NFIA: variants seen among roughly 807,000 people sequenced by gnomAD.
The protein encoded by NFIA is nuclear factor 1 A-type.
In NFIA, 8 loss-of-function variants were observed where a neutral mutation model predicts 62.8. The observed-to-expected ratio is 0.13, with a 90% CI of 0.07 to 0.23. The LOEUF is 0.23. Ranked by LOEUF, NFIA falls within the 10% of genes least tolerant of loss-of-function variation. The pLI, the probability that NFIA is intolerant of heterozygous loss-of-function variation, is 1.00. For synonymous variants in NFIA, 235 were observed against 238.1 expected (o/e 0.99, Z 0.12); for missense variants, 410 against 642.1 (o/e 0.64, Z 3.91).
At chr1:61,405,690 G>T (rs1000258246) in intron 8 of NFIA, among the ~76,000 whole-genome samples, 5 of 152,104 alleles carry the variant, frequency 3.3e-5, no homozygotes, top group Non-Finnish European at 5.9e-5. Context: ...CTATATAACT[G>T]TCAAATGCCC....
At chr1:61,086,786 T>C (rs1436837827) in intron 1 of NFIA, among the ~76,000 whole-genome samples, 2 of 152,200 alleles carry the variant, frequency 1.3e-5, no homozygotes, top group Non-Finnish European at 2.9e-5. Context: ...AGTAATTGTG[T>C]TAATAATAAT....
intron 10 of NFIA, among the ~76,000 whole-genome samples, chr1:61,453,377 T>G (rs1433691878): frequency 6.6e-6 from 1 of 151,144 alleles, no homozygotes; most frequent in Non-Finnish European, 1.5e-5. Context: ...AGTGAAGGAT[T>G]ACAGAGCTGC....
intron 2 of NFIA, among the ~76,000 whole-genome samples, chr1:61,131,868 T>TA (rs1336359883): frequency 6.6e-6 from 1 of 152,178 alleles, no homozygotes; most frequent in Non-Finnish European, 1.5e-5. Context: ...AAAGCTCTGT[T>TA]ACTGTTAAAA....
At chr1:61,362,195 C>T (rs79336072) in intron 6 of NFIA, among the ~76,000 whole-genome samples, 4,564 of 152,130 alleles carry the variant, frequency 0.03, 247 homozygotes, top group African/African-American at 0.1. Flanking sequence ...TTATGTTGTT[C>T]CCACACTTAT....
chr1:61,123,570 A>G (rs1646921882), intron 2 of NFIA, among the ~76,000 whole-genome samples: 1 of 152,202 alleles, frequency 6.6e-6, no homozygotes, highest in African/African-American at 2.4e-5. Flanking sequence ...GAGGGTAATG[A>G]TGCCTTAGAA....
In NFIA at chr1:61,158,720, G is replaced by A. The variant is rs146381592; in HGVS notation, c.559+70040G>A. Among the ~76,000 whole-genome samples the A allele has an allele frequency of 2.6e-4, 40 of 152,322 alleles. 1 individual carries two copies. Among genetic ancestry groups the A allele is most frequent in the African/African-American group, 9.6e-4 (40 of 41,570 alleles). On this transcript the variant is annotated intron_variant, in intron 2 of 10. Transcript: ENST00000403491. ...TAATTCTTGGTTGACTTTATGTCGCGAGAGGGGTTGATTTGCTGTCATTAG... is the reference window on the plus strand; with the variant it reads ...TAATTCTTGGTTGACTTTATGTCGCAAGAGGGGTTGATTTGCTGTCATTAG...
chr1:61,321,232 G>A (rs913446423), intron 3 of NFIA, among the ~76,000 whole-genome samples: 15 of 151,772 alleles, frequency 9.9e-5, no homozygotes, highest in African/African-American at 3.6e-4. Context: ...GCTAAAGTAA[G>A]TGTTTAAATT....
At chr1:61,107,502 A>C (rs1646625104) in intron 2 of NFIA, among the ~76,000 whole-genome samples, 1 of 151,172 alleles carries the variant, frequency 6.6e-6, no homozygotes, top group Non-Finnish European at 1.5e-5. Flanking sequence ...TCATTTATTC[A>C]TTTTTTTCTA....
chr1:61,345,863 G>A (rs1308657516), intron 4 of NFIA, among the ~76,000 whole-genome samples: 1 of 152,144 alleles, frequency 6.6e-6, no homozygotes, highest in Admixed American at 6.5e-5. Flanking sequence ...GGGATGATGT[G>A]CTTAAAACCC....
rs201662488 is a variant in NFIA at position 61,250,582 on chromosome 1, A to G, written c.560-26938A>G. Among the ~76,000 whole-genome samples, 60 of 152,340 alleles carry G rather than the reference A, an allele frequency of 3.9e-4. 1 individual carries two copies. In the East Asian group the frequency reaches 0.011, roughly 27 times the overall value. ...TGACCAGACAAAAATTTGAATTGTA[A>G]GAAAATTATGGGCCAATTTAGTGCC... On this transcript the variant is annotated intron_variant, in intron 2 of 10. Transcript: ENST00000403491.
At chr1:61,128,913 A>ATTTTT (rs1570221596) in intron 2 of NFIA, among the ~76,000 whole-genome samples, 1 of 62,968 alleles carries the variant, frequency 1.6e-5, no homozygotes, top group Non-Finnish European at 3.2e-5. Flanking sequence ...ATGCTTACTT[A>ATTTTT]TGTTTTTTTT....
chr1:61,095,946 T>TA (rs1646404035), intron 2 of NFIA, among the ~76,000 whole-genome samples: 1 of 151,890 alleles, frequency 6.6e-6, no homozygotes, highest in Non-Finnish European at 1.5e-5. Context: ...ACATATATTT[T>TA]TATATATATA....
At chr1:61,167,947 T>G (rs2100545269) in intron 2 of NFIA, among the ~76,000 whole-genome samples, 1 of 152,304 alleles carries the variant, frequency 6.6e-6, no homozygotes, top group Middle Eastern at 3.4e-3. Flanking sequence ...TAGATTTTGA[T>G]GTACACTTAA....
intron 10 of NFIA, among the ~76,000 whole-genome samples, chr1:61,451,256 C>T (rs192922703): frequency 1.3e-5 from 2 of 152,156 alleles, no homozygotes; most frequent in African/African-American, 4.8e-5. Flanking sequence ...AATTAACGGG[C>T]GGCAAGTGTG....
In NFIA at chr1:61,212,708, G is replaced by A. The variant is rs141316704; in HGVS notation, c.560-64812G>A. Among the ~76,000 whole-genome samples, 680 of 152,252 alleles carry A rather than the reference G, an allele frequency of 4.5e-3. 2 individuals carry two copies. Among genetic ancestry groups the A allele is most frequent in the African/African-American group, 0.016 (645 of 41,536 alleles). On this transcript the variant is annotated intron_variant, in intron 2 of 10. Coordinates refer to ENST00000403491, the MANE Select transcript of NFIA (RefSeq NM_001134673.4). ...AAAATTTACTATTCAGTATAGTTGG[G>A]ACTGTATCTTCAGGCACAGACACTG...
intron 9 of NFIA, among the ~76,000 whole-genome samples, chr1:61,423,044 T>C (rs1666706150): frequency 6.6e-6 from 1 of 152,070 alleles, no homozygotes. Flanking sequence ...AAATTCTGGT[T>C]TGGGATTTTG....
intron 1 of NFIA, among the ~76,000 whole-genome samples, chr1:61,087,296 A>T (rs1293698456): frequency 2.0e-5 from 3 of 152,070 alleles, no homozygotes; most frequent in Non-Finnish European, 2.9e-5. Context: ...TAAATAATCT[A>T]TTTTTTAGGT....
chr1:61,152,182 C>T (rs1648465692), intron 2 of NFIA, among the ~76,000 whole-genome samples: 1 of 152,160 alleles, frequency 6.6e-6, no homozygotes, highest in South Asian at 2.1e-4. Flanking sequence ...CTATTAGTGC[C>T]TAATCATATG....
intron 2 of NFIA, among the ~76,000 whole-genome samples, chr1:61,096,547 C>CTT (rs369305204): frequency 0.021 from 1,721 of 80,454 alleles, 20 homozygotes; most frequent in Non-Finnish European, 0.029. Flanking sequence ...AAGATTAGTT[C>CTT]TTTTTTTTTT....
Sources: allele counts gnomAD v4.1 joint callset (sites outside exome capture counted in the v4.1 genomes callset), GRCh38; gene constraint gnomAD v4.1.1; transcripts MANE v1.5; gene names NCBI Gene and HGNC (gene_info 2026-07-23, HGNC 2026-07-21).